Variants in SEMA6D observed in about 807,000 individuals in gnomAD.
SEMA6D encodes semaphorin-6D.
A neutral mutation model predicts 106.6 loss-of-function variants in SEMA6D; 35 were observed. The observed-to-expected ratio is 0.33, with a 90% CI of 0.25 to 0.44. The LOEUF is 0.44. SEMA6D is among the 20% of genes least tolerant of loss of function. SEMA6D has a pLI of 1.00. For synonymous variants in SEMA6D, 499 were observed against 487.7 expected, an observed-to-expected ratio of 1.02 and a Z score of -0.31; for missense variants, 1,185 against 1,345.9, an observed-to-expected ratio of 0.88 and a Z score of 1.87.
At chr15:47,306,519 C>T (rs1595693398) in intron 1 of SEMA6D, among the ~76,000 whole-genome samples, 1 of 152,168 alleles carries the variant, frequency 6.6e-6, no homozygotes, top group African/African-American at 2.4e-5. Flanking sequence ...GTCAGCAGTT[C>T]AAGACCAGCC....
At chr15:47,632,498 A>C (rs895522942) in intron 4 of SEMA6D, among the ~76,000 whole-genome samples, 1 of 148,912 alleles carries the variant, frequency 6.7e-6, no homozygotes, top group Admixed American at 6.8e-5. Flanking sequence ...ATTTATAATC[A>C]TTATGTCTTC....
chr15:47,339,678 A>G (rs494065), intron 1 of SEMA6D, among the ~76,000 whole-genome samples: 81,072 of 151,918 alleles, frequency 0.53, 24,742 homozygotes, highest in African/African-American at 0.85. Flanking sequence ...GGGCAACATG[A>G]TGAAACCCCG....
chr15:47,505,975 G>T (rs1388510008), intron 3 of SEMA6D, among the ~76,000 whole-genome samples: 1 of 152,116 alleles, frequency 6.6e-6, no homozygotes, highest in Non-Finnish European at 1.5e-5. Context: ...AAGTCAGGGG[G>T]TGGAGGTGGT....
chr15:47,328,770 C>T (rs504729), intron 1 of SEMA6D, among the ~76,000 whole-genome samples: 49,263 of 152,012 alleles, frequency 0.32, 9,561 homozygotes, highest in East Asian at 0.55. Flanking sequence ...CTGTGACTCA[C>T]GAAAAGGAGG....
rs549995710 is a variant in SEMA6D, at chr15:47,222,821, TC to T, written c.-239+38405del. On this transcript the variant is annotated intron_variant, in intron 1 of 19. Coordinates refer to the SEMA6D transcript ENST00000558014. ...ACTGTGCTCTTCGAGAGTGACATTTTCCTTTTATTTATTTTAGTATTCTCAG... is the reference window on the plus strand; with the variant it reads ...ACTGTGCTCTTCGAGAGTGACATTTTCTTTTATTTATTTTAGTATTCTCAG... 1.2e-3 allele frequency among the ~76,000 whole-genome samples: 189 copies of T among 152,334 alleles called. 1 individual carries two copies. Among genetic ancestry groups the T allele is most frequent in the African/African-American group, 4.3e-3 (178 of 41,566 alleles).
upstream of SEMA6D, among the ~76,000 whole-genome samples, chr15:47,715,871 C>T (rs1207226561): frequency 6.6e-6 from 1 of 152,210 alleles, no homozygotes; most frequent in African/African-American, 2.4e-5. Context: ...CCTCATCAAG[C>T]CAATGGCCAC....
rs1292402881 is a variant in SEMA6D at position 47,771,664 on chromosome 15, A to G, written c.3101A>G (p.Asn1034Ser). 1 of 1,613,976 alleles carries G rather than the reference A, an allele frequency of 6.2e-7. No individual in the cohort carries two copies. The highest frequency in any genetic ancestry group is 1.3e-5 in the African/African-American group (1 of 74,910). Reference sequence around the variant, plus strand: ...TCCAGACAGAGCAGCTACACCAGTAATGGCACTCTTCCTAGGACGGGACTA... The same window carrying G: ...TCCAGACAGAGCAGCTACACCAGTAGTGGCACTCTTCCTAGGACGGGACTA... The part of the protein sequence containing the change: ...SLSRQSSYTS[N>S]GTLPRTGLKR... The change falls in exon 19 of 19, where the codon AAT (asparagine) becomes AGT (serine). Residue 1034 changes from asparagine to serine, a missense_variant. Asn to Ser is a conservative substitution (Grantham distance 46). Around this residue, in one of 3 missense-constraint regions of SEMA6D, gnomAD observed 750 missense variants for 783.5 expected, o/e 0.96. Coordinates refer to ENST00000536845, the MANE Select transcript of SEMA6D (RefSeq NM_001358351.3).
intron 3 of SEMA6D, among the ~76,000 whole-genome samples, chr15:47,502,443 C>G (rs12440247): frequency 0.1 from 15,703 of 152,162 alleles, 1,118 homozygotes; most frequent in East Asian, 0.32. Flanking sequence ...GGTCCTGCCC[C>G]CTAAATGAAA....
intron 1 of SEMA6D, among the ~76,000 whole-genome samples, chr15:47,325,135 C>A (rs1442764056): frequency 6.6e-6 from 1 of 151,234 alleles, no homozygotes; most frequent in Non-Finnish European, 1.5e-5. Flanking sequence ...TTGACCCTTT[C>A]AAAATAAGAG....
At chr15:47,256,289 T>A (rs2033799201) in intron 1 of SEMA6D, among the ~76,000 whole-genome samples, 1 of 152,168 alleles carries the variant, frequency 6.6e-6, no homozygotes. Flanking sequence ...AACCTGTAGA[T>A]CAACTTAGGG....
intron 3 of SEMA6D, among the ~76,000 whole-genome samples, chr15:47,486,832 T>A (rs2043310713): frequency 6.6e-6 from 1 of 152,238 alleles, no homozygotes; most frequent in African/African-American, 2.4e-5. Flanking sequence ...TAAAAATTTC[T>A]TCATAACTTT....
intron 3 of SEMA6D, among the ~76,000 whole-genome samples, chr15:47,528,359 A>G (rs1006893967): frequency 6.6e-6 from 1 of 152,008 alleles, no homozygotes; most frequent in Non-Finnish European, 1.5e-5. Flanking sequence ...TGATTGTCCA[A>G]TTTTTTTTAA....
chr15:47,186,663 T>G (rs1022561914), intron 1 of SEMA6D, among the ~76,000 whole-genome samples: 1 of 152,184 alleles, frequency 6.6e-6, no homozygotes, highest in African/African-American at 2.4e-5. Context: ...CATGTCCAAC[T>G]TAGTACAGGA....
intron 1 of SEMA6D, among the ~76,000 whole-genome samples, chr15:47,720,173 TAAC>T (rs1479395625): frequency 6.6e-6 from 1 of 152,084 alleles, no homozygotes; most frequent in African/African-American, 2.4e-5. Flanking sequence ...TTTGTTAGAT[TAAC>T]AACTAGCAAC....
At chr15:47,607,218 C>T (rs779603881) in intron 4 of SEMA6D, among the ~76,000 whole-genome samples, 10 of 152,056 alleles carry the variant, frequency 6.6e-5, no homozygotes, top group Non-Finnish European at 1.5e-4. Context: ...ATATGACTTC[C>T]CCAGTCAGTC....
intron 4 of SEMA6D, among the ~76,000 whole-genome samples, chr15:47,692,054 G>C (rs1163267357): frequency 1.3e-5 from 2 of 152,130 alleles, no homozygotes; most frequent in African/African-American, 4.8e-5. Flanking sequence ...CAAAGACCCT[G>C]ACATGGGAAA....
intron 4 of SEMA6D, among the ~76,000 whole-genome samples, chr15:47,672,191 A>G (rs75612004): frequency 0.021 from 3,143 of 152,292 alleles, 110 homozygotes; most frequent in African/African-American, 0.073. Flanking sequence ...CAGAGCCAGT[A>G]TTCAAAACCA....
chr15:47,621,496 A>T (rs1057264003), intron 4 of SEMA6D, among the ~76,000 whole-genome samples: 1 of 152,114 alleles, frequency 6.6e-6, no homozygotes, highest in Non-Finnish European at 1.5e-5. Flanking sequence ...CAAAGAGAGC[A>T]GCTGTGTCTG....
chr15:47,377,580 A>G (rs1239542834), intron 1 of SEMA6D, among the ~76,000 whole-genome samples: 1 of 152,196 alleles, frequency 6.6e-6, no homozygotes, highest in African/African-American at 2.4e-5. Context: ...ACAAAAAATC[A>G]TTACTCAGTA....
Sources: gnomAD v4.1 joint callset for allele counts (sites outside exome capture counted in the v4.1 genomes callset) on GRCh38, gnomAD v4.1.1 for gene constraint, gnomAD v4.1.1 regional missense constraint, MANE v1.5 for transcripts, NCBI Gene and HGNC (gene_info 2026-07-23, HGNC 2026-07-21) for gene names.